ACSS3: variants seen among roughly 807,000 people sequenced by gnomAD.
ACSS3 encodes the protein acyl-CoA synthetase short chain family member 3.
In ACSS3, 64 loss-of-function variants were observed where a neutral mutation model predicts 84.2. The ratio of observed to expected loss-of-function variants is 0.76; its 90% CI spans 0.62 to 0.94. The LOEUF is 0.94. Among genes scored for constraint, ACSS3 ranks in the 40% least tolerant of loss-of-function variants. ACSS3 has a pLI of 0.00. For missense variants in ACSS3, 815 were observed against 867.6 expected (o/e 0.94, Z 0.76); for synonymous variants, 317 against 310.1 (o/e 1.02, Z -0.23).
intron 2 of ACSS3, among the ~76,000 whole-genome samples, chr12:81,112,540 A>G (rs1452130862): frequency 2.6e-5 from 4 of 152,170 alleles, no homozygotes; most frequent in Non-Finnish European, 5.9e-5. Flanking sequence ...CCTGACATCA[A>G]AGTAGTTAAA....
intron 5 of ACSS3, among the ~76,000 whole-genome samples, chr12:81,148,595 T>C (rs1202765783): frequency 6.6e-6 from 1 of 152,164 alleles, no homozygotes; most frequent in Non-Finnish European, 1.5e-5. Flanking sequence ...ATGTCTTTAT[T>C]CAGGGCACAG....
chr12:81,143,149 G>A lies in ACSS3; in HGVS notation c.823G>A (p.Glu275Lys), dbSNP rs1468897001. 6.2e-7 allele frequency: 1 copy of A among 1,613,840 alleles called. No individual in the cohort carries two copies. The highest frequency in any genetic ancestry group is 1.1e-5 in the South Asian group (1 of 91,032). The change falls in exon 5 of 16, where the codon GAA becomes AAA. Residue 275 changes from glutamate to lysine, a missense_variant. Physicochemically the swap from Glu to Lys is moderately conservative, Grantham distance 56. Transcript: ENST00000548058. ...TCCCGGTCGTGACCTTGATTGGGAT[G>A]AAGAGATGGCAAAAGCCCAGTCACA... ...LAPGRDLDWDEEMAKAQSHDC... is the reference protein window; with the variant it reads ...LAPGRDLDWDKEMAKAQSHDC...
chr12:81,151,809 T>C (rs1886622479), intron 5 of ACSS3, 35 bp from the exon 6 acceptor site: 1 of 1,581,520 alleles, frequency 6.3e-7, no homozygotes, highest in East Asian at 2.2e-5. Context: ...TTACACATTG[T>C]TTATTGATTT....
intron 4 of ACSS3, among the ~76,000 whole-genome samples, chr12:81,139,676 G>A (rs1313985405): frequency 2.0e-5 from 3 of 148,142 alleles, no homozygotes; most frequent in Non-Finnish European, 4.5e-5. Context: ...TCACTCTGTC[G>A]CCCAGGCTGG....
At chr12:81,188,408 TAA>T (rs1340690025) in intron 8 of ACSS3, among the ~76,000 whole-genome samples, 2 of 152,080 alleles carry the variant, frequency 1.3e-5, no homozygotes, top group Non-Finnish European at 2.9e-5. Context: ...ATCAGAATTT[TAA>T]AAGTTATAAT....
chr12:81,220,815 A>G (rs1468852556), intron 11 of ACSS3, among the ~76,000 whole-genome samples: 1 of 151,776 alleles, frequency 6.6e-6, no homozygotes, highest in African/African-American at 2.4e-5. Context: ...TTTAATTTTT[A>G]CTCTGTTTCT....
At chr12:81,098,634 T>C (rs1412634552) in intron 1 of ACSS3, among the ~76,000 whole-genome samples, 1 of 152,214 alleles carries the variant, frequency 6.6e-6, no homozygotes, top group East Asian at 1.9e-4. Flanking sequence ...TACAATTCTT[T>C]AAAATTTTTC....
chr12:81,109,687 A>G lies in ACSS3; in HGVS notation c.439A>G (p.Lys147Glu), dbSNP rs770630643. The change falls in exon 2 of 16, where the codon AAA becomes GAA. Residue 147 changes from lysine (K) to glutamate (E), a missense_variant. By Grantham distance (56) the Lys-to-Glu change is moderately conservative. Transcript: ENST00000548058. ...VTNTKATFTY[K>E]EVLEQVSKLA... is the part of the protein sequence containing the mutation. Reference sequence around the variant, plus strand: ...AAACACTAAAGCAACCTTTACCTATAAAGAAGTTCTGGAGCAGGTAATATC... The same window carrying G: ...AAACACTAAAGCAACCTTTACCTATGAAGAAGTTCTGGAGCAGGTAATATC... 1.7e-5 allele frequency: 28 copies of G among 1,600,964 alleles called. No individual in the cohort carries two copies. Among genetic ancestry groups the G allele is most frequent in the Admixed American group, 3.5e-5 (2 of 57,716 alleles).
chr12:81,096,857 A>G (rs1272966865), intron 1 of ACSS3, among the ~76,000 whole-genome samples: 1 of 152,014 alleles, frequency 6.6e-6, no homozygotes, highest in Non-Finnish European at 1.5e-5. Context: ...CATTTTCTTT[A>G]TCCAGTCTAT....
At chr12:81,108,787 G>A (rs1883311175) in intron 1 of ACSS3, among the ~76,000 whole-genome samples, 1 of 152,054 alleles carries the variant, frequency 6.6e-6, no homozygotes, top group African/African-American at 2.4e-5. Flanking sequence ...GACCATTACT[G>A]TACTTGCATA....
At chr12:81,149,034 G>A (rs769751734) in intron 5 of ACSS3, among the ~76,000 whole-genome samples, 2 of 151,782 alleles carry the variant, frequency 1.3e-5, no homozygotes, top group Admixed American at 1.3e-4. Context: ...GAGCAAGATC[G>A]TGCCACTGCA....
rs923158706 is a variant in ACSS3 at position 81,255,381 on chromosome 12, T to A, written c.*459T>A. On this transcript the variant is annotated 3_prime_UTR_variant, in exon 16 of 16. Coordinates refer to ENST00000548058, the MANE Select transcript of ACSS3 (RefSeq NM_024560.4). ...TATTCTTTAGATGCTCACATTGTTTTAAATAAAATAGATGAAATGGGAAGT... is the reference window on the plus strand; with the variant it reads ...TATTCTTTAGATGCTCACATTGTTTAAAATAAAATAGATGAAATGGGAAGT... 7.2e-5 allele frequency: 11 copies of A among 152,556 alleles called. No individual in the cohort carries two copies. The highest frequency in any genetic ancestry group is 2.7e-4 in the African/African-American group (11 of 41,454). The allele number at this position is 152,556 out of a possible 1,614,324, so 9.5% of individuals were successfully genotyped here.
chr12:81,134,641 C>A (rs1017611584), intron 2 of ACSS3, among the ~76,000 whole-genome samples, 175 bp from the exon 3 acceptor site: 2 of 152,060 alleles, frequency 1.3e-5, no homozygotes, highest in African/African-American at 4.8e-5. Flanking sequence ...GATTATAATA[C>A]AATTGTTATT....
chr12:81,196,890 C>T (rs561282485), intron 8 of ACSS3, among the ~76,000 whole-genome samples: 3 of 152,140 alleles, frequency 2.0e-5, no homozygotes, highest in Non-Finnish European at 4.4e-5. Context: ...TAGGCCCCAC[C>T]TCCAATACTG....
At chr12:81,126,168 T>C (rs1352928013) in intron 2 of ACSS3, among the ~76,000 whole-genome samples, 1 of 152,220 alleles carries the variant, frequency 6.6e-6, no homozygotes, top group African/African-American at 2.4e-5. Context: ...TTTCTCTCTC[T>C]ATACTAAACT....
At chr12:81,216,129 A>T (rs1284509302) in intron 9 of ACSS3, among the ~76,000 whole-genome samples, 2 of 151,196 alleles carry the variant, frequency 1.3e-5, no homozygotes, top group East Asian at 1.9e-4. Flanking sequence ...TATATTATAT[A>T]TTTTTTTAAT....
At position 81,231,114 on chromosome 12, in the gene ACSS3, G is replaced by A; in HGVS notation, c.1572G>A (p.Lys524=). 3 of 1,609,920 alleles carry A rather than the reference G, an allele frequency of 1.9e-6. No individual in the cohort carries two copies. Among genetic ancestry groups the A allele is most frequent in the Non-Finnish European group, 2.5e-6 (3 of 1,177,840 alleles). ...TCTGGAAGAATCAGGAAGCATTCAA[G>A]CATTTATACTTTGAAAAATTTCCTG... ...SGLWKNQEAF[K]HLYFEKFPGY... is the part of the protein sequence containing the mutation. Residue 524 remains lysine (K), a synonymous_variant, in exon 12 of 16, where the codon AAG becomes AAA. Coordinates refer to ENST00000548058, the MANE Select transcript of ACSS3 (RefSeq NM_024560.4).
At position 81,107,511 on chromosome 12, in the gene ACSS3, CATATATATATATATATATATATATAT is replaced by C. The variant is rs566270568; in HGVS notation, c.312-2025_312-2000del. ...TTTTTTTTTCAGGTACAAATATATA[CATATATATATATATATATATATATAT>C]ATATATATATATATATATATATAAA... On this transcript the variant is annotated intron_variant, in intron 1 of 15. Coordinates refer to ENST00000548058, the MANE Select transcript of ACSS3 (RefSeq NM_024560.4). Among the ~76,000 whole-genome samples the C allele has an allele frequency of 2.3e-3, 89 of 38,838 alleles. 3 individuals are homozygous for C. The highest frequency in any genetic ancestry group is 4.4e-3 in the African/African-American group (52 of 11,730). 25.5% of individuals were successfully genotyped at this position (38,838 alleles called of 152,430 possible).
chr12:81,235,350 T>C (rs1406445510), intron 13 of ACSS3, among the ~76,000 whole-genome samples: 2 of 151,294 alleles, frequency 1.3e-5, no homozygotes, highest in Non-Finnish European at 3.0e-5. Context: ...TTGATCTACA[T>C]TATATTTTTA....
Sources: allele counts gnomAD v4.1 joint callset (sites outside exome capture counted in the v4.1 genomes callset), GRCh38; gene constraint gnomAD v4.1.1; transcripts MANE v1.5; gene names NCBI Gene and HGNC (gene_info 2026-07-23, HGNC 2026-07-21).